PDE1C: variants seen among roughly 807,000 people sequenced by gnomAD.
PDE1C encodes the protein dual specificity calcium/calmodulin-dependent 3',5'-cyclic nucleotide phosphodiesterase 1C.
Under a neutral mutation model 93.1 loss-of-function variants are expected in PDE1C, and 62 were observed. That is an observed-to-expected ratio of 0.67 (90% CI 0.54 to 0.82). PDE1C has a LOEUF of 0.82. Among genes scored for constraint, PDE1C ranks in the 40% least tolerant of loss-of-function variants. The pLI, the probability that PDE1C is intolerant of heterozygous loss-of-function variation, is 0.00. For synonymous variants in PDE1C, 325 were observed against 310.1 expected (o/e 1.05, Z -0.50); for missense variants, 742 against 884.6 (o/e 0.84, Z 2.04).
At chr7:32,275,414 C>T (rs531086879) in intron 1 of PDE1C, among the ~76,000 whole-genome samples, 1 of 152,296 alleles carries the variant, frequency 6.6e-6, no homozygotes, top group African/African-American at 2.4e-5. Context: ...AGGCACATCA[C>T]CTGCATAGTC....
At chr7:31,857,159 G>A (rs140488643) in intron 7 of PDE1C, among the ~76,000 whole-genome samples, 1 of 152,206 alleles carries the variant, frequency 6.6e-6, no homozygotes, top group African/African-American at 2.4e-5. Flanking sequence ...GAATCAATGA[G>A]AAATACAATT....
intron 2 of PDE1C, among the ~76,000 whole-genome samples, chr7:31,938,692 G>C (rs1805414652): frequency 6.6e-6 from 1 of 151,858 alleles, no homozygotes; most frequent in South Asian, 2.1e-4. Context: ...ACAAATTTTT[G>C]TTGAATGAAT....
chr7:32,412,785 G>T (rs6975016), intron 1 of PDE1C, among the ~76,000 whole-genome samples: 27,105 of 152,144 alleles, frequency 0.18, 5,151 homozygotes, highest in African/African-American at 0.48. Flanking sequence ...ATTATTGACA[G>T]GCACATCAAC....
chr7:31,633,165 G>C, the PDE1C span, among the ~76,000 whole-genome samples: 3 of 151,818 alleles, frequency 2.0e-5, no homozygotes, highest in Non-Finnish European at 4.4e-5. Context: ...GATTACAGGC[G>C]TGAGCTACCG....
At chr7:32,162,175 C>A (rs1801965478) in intron 3 of PDE1C, among the ~76,000 whole-genome samples, 2 of 152,178 alleles carry the variant, frequency 1.3e-5, no homozygotes, top group Admixed American at 6.5e-5. Flanking sequence ...ACAAAATCCC[C>A]TGTAAGGCAA....
chr7:32,223,924 C>T (rs541864060), intron 1 of PDE1C, among the ~76,000 whole-genome samples: 118 of 152,302 alleles, frequency 7.7e-4, no homozygotes, highest in African/African-American at 2.7e-3. Flanking sequence ...TGTGGCCCAG[C>T]CATCCCTCTG....
At chr7:31,985,524 C>T (rs900575881) in intron 2 of PDE1C, among the ~76,000 whole-genome samples, 4 of 152,084 alleles carry the variant, frequency 2.6e-5, no homozygotes, top group African/African-American at 9.7e-5. Flanking sequence ...CTGCACCCAT[C>T]AACTCGTCAT....
intron 2 of PDE1C, among the ~76,000 whole-genome samples, chr7:32,037,449 T>C (rs1470851427): frequency 1.3e-5 from 2 of 152,124 alleles, no homozygotes; most frequent in Non-Finnish European, 2.9e-5. Context: ...GAGCAGGGAC[T>C]GGGACTCAGA....
chr7:32,416,369 C>T (rs953687539), intron 1 of PDE1C, among the ~76,000 whole-genome samples: 7 of 152,096 alleles, frequency 4.6e-5, no homozygotes, highest in Non-Finnish European at 8.8e-5. Flanking sequence ...GGATGTGGAG[C>T]CATCCCCCCT....
At chr7:31,674,723 AAAAAT>A in the PDE1C span, among the ~76,000 whole-genome samples, 3 of 152,186 alleles carry the variant, frequency 2.0e-5, no homozygotes, top group African/African-American at 4.8e-5. Flanking sequence ...GTCTACATGG[AAAAAT>A]AAAATAAAAT....
chr7:32,369,677 T>A (rs1454591271), intron 1 of PDE1C, among the ~76,000 whole-genome samples: 1 of 152,182 alleles, frequency 6.6e-6, no homozygotes, highest in African/African-American at 2.4e-5. Context: ...TCAAAGAGAC[T>A]TCTGTGCCCC....
At position 32,341,173 on chromosome 7, in the gene PDE1C, CTTTT is replaced by C. The variant is rs3079623; in HGVS notation, c.310+86645_310+86648del. Among the ~76,000 whole-genome samples, 4 of 84,952 alleles carry C rather than the reference CTTTT, an allele frequency of 4.7e-5. No homozygotes were observed. In the South Asian group the frequency reaches 1.8e-3, roughly 38 times the overall value. 55.7% of individuals were successfully genotyped at this position (84,952 alleles called of 152,430 possible). On this transcript the variant is annotated intron_variant, in intron 1 of 1. Transcript: ENST00000672256. Reference sequence around the variant, plus strand: ...CCTAAAACTACTCTAGAAATAAAGTCTTTTTTTTTTTTTTTTTTTTGAGACGGAG... The same window carrying C: ...CCTAAAACTACTCTAGAAATAAAGTCTTTTTTTTTTTTTTTTGAGACGGAG...
At chr7:31,888,161 A>G (rs1007162040) in intron 2 of PDE1C, among the ~76,000 whole-genome samples, 1 of 147,260 alleles carries the variant, frequency 6.8e-6, no homozygotes, top group Non-Finnish European at 1.5e-5. Flanking sequence ...GAGGTAGGAG[A>G]ATGGTGTGAA....
At chr7:32,134,506 C>A (rs1022338411) in intron 3 of PDE1C, among the ~76,000 whole-genome samples, 1 of 151,892 alleles carries the variant, frequency 6.6e-6, no homozygotes, top group Non-Finnish European at 1.5e-5. Flanking sequence ...GAAGAAATAG[C>A]CAATGAGGCA....
intron 3 of PDE1C, among the ~76,000 whole-genome samples, chr7:32,095,205 A>G (rs1456509849): frequency 6.6e-6 from 1 of 152,202 alleles, no homozygotes; most frequent in Non-Finnish European, 1.5e-5. Flanking sequence ...CTCAAAAACA[A>G]TGTTCCATGC....
At chr7:32,237,738 C>CTG (rs1205085028) in intron 1 of PDE1C, among the ~76,000 whole-genome samples, 3 of 57,798 alleles carry the variant, frequency 5.2e-5, no homozygotes, top group African/African-American at 2.0e-4. Flanking sequence ...GCACTTGGCT[C>CTG]TGTGTATATA....
intron 1 of PDE1C, among the ~76,000 whole-genome samples, chr7:32,331,140 T>G (rs1195736920): frequency 6.6e-6 from 1 of 152,182 alleles, no homozygotes; most frequent in Non-Finnish European, 1.5e-5. Context: ...CTTTGAACAC[T>G]GAAGTTAGGT....
At chr7:31,827,245 T>C (rs1013839856) in intron 12 of PDE1C, among the ~76,000 whole-genome samples, 1 of 152,138 alleles carries the variant, frequency 6.6e-6, no homozygotes, top group Non-Finnish European at 1.5e-5. Flanking sequence ...TTGTATATGC[T>C]ACATTCTCTG....
intron 1 of PDE1C, among the ~76,000 whole-genome samples, chr7:32,357,866 T>G (rs1448809286): frequency 6.6e-6 from 1 of 152,192 alleles, no homozygotes; most frequent in East Asian, 1.9e-4. Flanking sequence ...GTGGGGAGGA[T>G]CTGCATCTTT....
Sources: allele counts gnomAD v4.1 joint callset (sites outside exome capture counted in the v4.1 genomes callset), GRCh38; gene constraint gnomAD v4.1.1; transcripts MANE v1.5; gene names NCBI Gene and HGNC (gene_info 2026-07-23, HGNC 2026-07-21).